Variants in ST6GAL1 observed in about 807,000 individuals in gnomAD.
ST6GAL1 encodes the protein ST6 beta-galactoside alpha-2,6-sialyltransferase 1, also known as beta-galactoside alpha-2,6-sialyltransferase 1.
In ST6GAL1, 20 loss-of-function variants were observed where a neutral mutation model predicts 38.0. The observed-to-expected ratio is 0.53, with a 90% CI of 0.37 to 0.77. ST6GAL1 has a LOEUF of 0.77. Among genes scored for constraint, ST6GAL1 ranks in the 30% least tolerant of loss-of-function variants. The pLI, the probability that ST6GAL1 is intolerant of heterozygous loss-of-function variation, is 0.00. For synonymous variants in ST6GAL1, 196 were observed against 188.2 expected, an observed-to-expected ratio of 1.04 and a Z score of -0.34; for missense variants, 432 against 496.4, an observed-to-expected ratio of 0.87 and a Z score of 1.23.
chr3:187,023,749 G>A (rs770939723), intron 2 of ST6GAL1, among the ~76,000 whole-genome samples: 3 of 152,064 alleles, frequency 2.0e-5, no homozygotes, highest in Admixed American at 6.5e-5. Flanking sequence ...TGGGGGGAAC[G>A]GGGAGGGATA....
chr3:187,052,640 T>C (rs553464001), intron 5 of ST6GAL1, among the ~76,000 whole-genome samples: 74 of 152,362 alleles, frequency 4.9e-4, no homozygotes, highest in African/African-American at 1.5e-3. Context: ...TCCTTTTTTA[T>C]GGCTGCATAG....
Position 187,075,625 on chromosome 3 carries a change from G to T in ST6GAL1, c.1043G>T (p.Arg348Leu). ...ATTTATGAGTTCCTCCCATCCAAGC[G>T]CAAGACTGACGTGTGCTACTACTAC... ...VDIYEFLPSKRKTDVCYYYQK... is the reference protein window; with the variant it reads ...VDIYEFLPSKLKTDVCYYYQK... Residue 348 changes from arginine to leucine, a missense_variant, in exon 8 of 8, where the codon CGC (arginine) becomes CTC (leucine). Physicochemically the swap from Arg to Leu is moderately radical, Grantham distance 102 (BLOSUM62 -2). Transcript: ENST00000169298. This position sits in a 1 kb window ranked among gnomAD's most constrained non-coding sequence, Gnocchi z 4.1. The T allele has an allele frequency of 6.2e-7, 1 of 1,614,170 alleles. No individual in the cohort carries two copies. Among genetic ancestry groups the T allele is most frequent in the Non-Finnish European group, 8.5e-7 (1 of 1,180,026 alleles).
chr3:186,979,090 C>G (rs1315936510), intron 2 of ST6GAL1, among the ~76,000 whole-genome samples: 1 of 151,934 alleles, frequency 6.6e-6, no homozygotes, highest in Non-Finnish European at 1.5e-5. Context: ...GAGCTGGGCC[C>G]TATTTATTTC....
At chr3:187,031,019 C>T (rs1717728813) in intron 2 of ST6GAL1, among the ~76,000 whole-genome samples, 1 of 152,166 alleles carries the variant, frequency 6.6e-6, no homozygotes, top group African/African-American at 2.4e-5. Context: ...TTCTTGCATT[C>T]AGACATGACT....
rs187663002 is a variant in ST6GAL1, at chr3:187,011,200, T to C, written c.-182-27542T>C. Reference sequence around the variant, plus strand: ...TTTTAGTAGGGATAGGGTTTCACCATGTTGGCCAGGCCGGTCTCGAACTAC... The same window carrying C: ...TTTTAGTAGGGATAGGGTTTCACCACGTTGGCCAGGCCGGTCTCGAACTAC... On this transcript the variant is annotated intron_variant, in intron 2 of 7. Coordinates refer to ENST00000169298, the MANE Select transcript of ST6GAL1 (RefSeq NM_173216.2). Among the ~76,000 whole-genome samples, 434 of 152,284 alleles carry C rather than the reference T, an allele frequency of 2.8e-3. 2 individuals are homozygous for C. Among genetic ancestry groups the C allele is most frequent in the Non-Finnish European group, 4.5e-3 (308 of 68,016 alleles).
intron 2 of ST6GAL1, among the ~76,000 whole-genome samples, chr3:186,967,931 G>A (rs1380706105): frequency 6.6e-6 from 1 of 152,224 alleles, no homozygotes; most frequent in Non-Finnish European, 1.5e-5. Flanking sequence ...CATCTGGCCC[G>A]GGATGGGCTG....
At chr3:186,933,635 T>C (rs891867189) in intron 1 of ST6GAL1, among the ~76,000 whole-genome samples, 18 of 152,232 alleles carry the variant, frequency 1.2e-4, no homozygotes, top group African/African-American at 4.1e-4. Context: ...ATCATGTGAC[T>C]GGACCCTTTT....
At chr3:186,950,087 G>T (rs1056276478) in intron 1 of ST6GAL1, among the ~76,000 whole-genome samples, 11 of 152,192 alleles carry the variant, frequency 7.2e-5, no homozygotes, top group Non-Finnish European at 1.5e-4. Flanking sequence ...GTGGAAGGGG[G>T]CACAAAGGAA....
intron 5 of ST6GAL1, among the ~76,000 whole-genome samples, chr3:187,062,379 C>A (rs928814930): frequency 4.6e-5 from 7 of 152,064 alleles, no homozygotes; most frequent in African/African-American, 1.7e-4. Flanking sequence ...GATATTCATA[C>A]CCCCATATTC....
intron 2 of ST6GAL1, among the ~76,000 whole-genome samples, chr3:187,006,989 A>T (rs922230451): frequency 1.3e-5 from 2 of 152,362 alleles, no homozygotes; most frequent in African/African-American, 4.8e-5. Flanking sequence ...GAGAAGGATG[A>T]GTTGCTAGTA....
chr3:186,988,979 T>A (rs142959451), intron 2 of ST6GAL1, among the ~76,000 whole-genome samples: 1 of 152,236 alleles, frequency 6.6e-6, no homozygotes, highest in African/African-American at 2.4e-5. Context: ...GTGCACCTGA[T>A]TTCAACTAAG....
At chr3:186,998,952 G>A (rs949675866) in intron 2 of ST6GAL1, among the ~76,000 whole-genome samples, 2 of 152,362 alleles carry the variant, frequency 1.3e-5, no homozygotes, top group Admixed American at 6.5e-5. Flanking sequence ...GAGAGGTTAG[G>A]TAACTTGCCT....
chr3:186,997,584 T>C (rs1716460534), intron 2 of ST6GAL1, among the ~76,000 whole-genome samples: 2 of 151,824 alleles, frequency 1.3e-5, no homozygotes, highest in African/African-American at 4.8e-5. Context: ...AGTAAGACCC[T>C]GTCTTTACAA....
rs151111683 is a variant in ST6GAL1, at chr3:187,040,048, G to C, written c.-51+1175G>C. Among the ~76,000 whole-genome samples the C allele has an allele frequency of 3.0e-3, 450 of 152,338 alleles. 3 individuals carry two copies. The highest frequency in any genetic ancestry group is 0.01 in the African/African-American group (424 of 41,582). ...CCTGAGCCTCCACTCCTGTGACAGT[G>C]AATCAGGCCCTTCCTGCCATCTTGT... is the stretch of plus-strand genomic sequence containing the variant. On this transcript the variant is annotated intron_variant, in intron 3 of 7. Transcript: ENST00000169298.
intron 3 of ST6GAL1, among the ~76,000 whole-genome samples, chr3:187,039,106 A>G (rs1354728487): frequency 6.6e-6 from 1 of 152,176 alleles, no homozygotes; most frequent in Non-Finnish European, 1.5e-5. Flanking sequence ...GATTTAAGTT[A>G]TTCTGTATTT....
intron 5 of ST6GAL1, among the ~76,000 whole-genome samples, chr3:187,069,132 C>A (rs1719273776): frequency 2.0e-5 from 3 of 151,432 alleles, no homozygotes; most frequent in Admixed American, 6.6e-5. Flanking sequence ...CCTTGAACTT[C>A]TTCTTTTTTT....
Position 187,076,696 on chromosome 3 carries a change from T to C in ST6GAL1, c.*893T>C, listed in dbSNP as rs1719573049. On this transcript the variant is annotated 3_prime_UTR_variant, in exon 8 of 8. Coordinates refer to ENST00000169298, the MANE Select transcript of ST6GAL1 (RefSeq NM_173216.2). ...GAAGAGAAGAAACATGGCAAGCAGATTACATCTGAGCCGTTTGAATTGTGT... is the reference window on the plus strand; with the variant it reads ...GAAGAGAAGAAACATGGCAAGCAGACTACATCTGAGCCGTTTGAATTGTGT... 2.5e-6 allele frequency: 1 copy of C among 397,534 alleles called. No individual in the cohort carries two copies. The highest frequency in any genetic ancestry group is 4.4e-6 in the Non-Finnish European group (1 of 225,904). 24.6% of individuals were successfully genotyped at this position (397,534 alleles called of 1,614,324 possible). A position where few individuals can be genotyped will look rare whatever the true frequency, so the allele number is the denominator to read the frequency against.
chr3:186,962,119 C>CG (rs1433435116), intron 1 of ST6GAL1, among the ~76,000 whole-genome samples: 1 of 152,180 alleles, frequency 6.6e-6, no homozygotes. Context: ...CTTTGTTGTT[C>CG]GCCCTGTTCT....
intron 2 of ST6GAL1, among the ~76,000 whole-genome samples, chr3:186,974,724 G>GT (rs1008662151): frequency 6.5e-5 from 6 of 92,866 alleles, no homozygotes; most frequent in African/African-American, 2.4e-4. Context: ...TGAGAGCCTG[G>GT]TTGGGGGGGG....
Sources: gnomAD v4.1 joint callset for allele counts (sites outside exome capture counted in the v4.1 genomes callset) on GRCh38, gnomAD v4.1.1 for gene constraint, Gnocchi (gnomAD v3.1) non-coding constraint, MANE v1.5 for transcripts, NCBI Gene and HGNC (gene_info 2026-07-23, HGNC 2026-07-21) for gene names.